The following CPNE8 variants were observed in gnomAD, a reference collection of about 807,000 sequenced individuals.
The protein encoded by CPNE8 is copine 8, also known as copine-8.
CPNE8 carries 45 observed loss-of-function variants against 81.5 expected under a neutral mutation model. That is an observed-to-expected ratio of 0.55 (90% CI 0.44 to 0.71). The LOEUF is 0.71. Among genes scored for constraint, CPNE8 ranks in the 30% least tolerant of loss-of-function variants. The pLI is 0.00. For synonymous variants in CPNE8, 252 were observed against 226.3 expected (o/e 1.11, Z -1.02); for missense variants, 594 against 672.1 (o/e 0.88, Z 1.28).
At chr12:38,674,967 A>C (rs1367525750) in intron 18 of CPNE8, among the ~76,000 whole-genome samples, 1 of 152,218 alleles carries the variant, frequency 6.6e-6, no homozygotes, top group Non-Finnish European at 1.5e-5. Context: ...AACCAGGTGA[A>C]TATTATGTGG....
intron 6 of CPNE8, among the ~76,000 whole-genome samples, chr12:38,787,156 T>A (rs1454932573): frequency 6.6e-6 from 1 of 152,092 alleles, no homozygotes; most frequent in Non-Finnish European, 1.5e-5. Context: ...AGAATACACA[T>A]CATGTTCCTC....
At chr12:38,721,545 TCATTTTCTG>T (rs1234047047) in intron 13 of CPNE8, among the ~76,000 whole-genome samples, 1 of 152,180 alleles carries the variant, frequency 6.6e-6, no homozygotes, top group East Asian at 1.9e-4. Context: ...GGCTCACCCT[TCATTTTCTG>T]CATACCTCAT....
chr12:38,809,630 TCCTC>T (rs1180576030), intron 6 of CPNE8, among the ~76,000 whole-genome samples: 3 of 152,154 alleles, frequency 2.0e-5, no homozygotes, highest in Non-Finnish European at 2.9e-5. Context: ...TGATCCATGG[TCCTC>T]CCATATAAAA....
At chr12:38,751,897 C>T (rs1490229271) in intron 10 of CPNE8, among the ~76,000 whole-genome samples, 2 of 152,130 alleles carry the variant, frequency 1.3e-5, no homozygotes, top group African/African-American at 4.8e-5. Context: ...TTTTCTTTTT[C>T]ACCAGGCTGC....
At chr12:38,853,257 C>CAAA (rs1943675970) in intron 3 of CPNE8, among the ~76,000 whole-genome samples, 1 of 152,086 alleles carries the variant, frequency 6.6e-6, no homozygotes, top group African/African-American at 2.4e-5. Flanking sequence ...GCATATCATT[C>CAAA]TATACCTATC....
chr12:38,851,682 A>C (rs150652397), intron 3 of CPNE8, among the ~76,000 whole-genome samples: 3 of 152,196 alleles, frequency 2.0e-5, no homozygotes, highest in Non-Finnish European at 4.4e-5. Context: ...CTTCCAATTC[A>C]TCTTCTATGT....
rs576864931 is a variant in CPNE8, at chr12:38,822,703, C to A, written c.407+6676G>T. The stretch of plus-strand genomic sequence containing the variant: ...CCCAAAGCTCATGTACTATCAACTT[C>A]ATTACAGTGGCTGTTTATTTAGCTC... On this transcript the variant is annotated intron_variant, in intron 6 of 19. Coordinates refer to ENST00000331366, the MANE Select transcript of CPNE8 (RefSeq NM_153634.3). Among the ~76,000 whole-genome samples the A allele has an allele frequency of 9.2e-5, 14 of 152,244 alleles. 1 individual carries two copies. The South Asian group carries it at 2.9e-3, about 32-fold the overall frequency.
intron 6 of CPNE8, among the ~76,000 whole-genome samples, chr12:38,798,775 T>G (rs899920287): frequency 1.3e-5 from 2 of 152,004 alleles, no homozygotes; most frequent in African/African-American, 4.8e-5. Context: ...AGACTCAAGA[T>G]CCATCAGTGT....
intron 3 of CPNE8, among the ~76,000 whole-genome samples, chr12:38,855,754 G>C (rs1186375724): frequency 6.6e-6 from 1 of 152,096 alleles, no homozygotes; most frequent in Non-Finnish European, 1.5e-5. Context: ...ATAAGTAGGT[G>C]AGGTACTGGA....
intron 5 of CPNE8, among the ~76,000 whole-genome samples, chr12:38,829,911 A>G (rs1943256959): frequency 6.6e-6 from 1 of 152,192 alleles, no homozygotes; most frequent in Non-Finnish European, 1.5e-5. Flanking sequence ...CCAACCTGCC[A>G]GGTGTCTATT....
At chr12:38,842,686 C>T (rs1047620515) in intron 4 of CPNE8, among the ~76,000 whole-genome samples, 8 of 150,984 alleles carry the variant, frequency 5.3e-5, no homozygotes, top group African/African-American at 2.0e-4. Flanking sequence ...AGTGATTCTC[C>T]TGCCTCAGCC....
chr12:38,773,482 C>T (rs1941853263), intron 7 of CPNE8, among the ~76,000 whole-genome samples: 1 of 151,846 alleles, frequency 6.6e-6, no homozygotes, highest in African/African-American at 2.4e-5. Context: ...GCCAATTATA[C>T]CTAATAAACT....
intron 6 of CPNE8, among the ~76,000 whole-genome samples, chr12:38,790,919 T>A (rs996600515): frequency 6.6e-6 from 1 of 151,624 alleles, no homozygotes; most frequent in African/African-American, 2.4e-5. Flanking sequence ...TCTTACTATT[T>A]CTCCTTTATA....
In CPNE8 at chr12:38,803,019, T is replaced by C. The variant is rs1279898400; in HGVS notation, c.407+26360A>G. On this transcript the variant is annotated intron_variant, in intron 6 of 19. Transcript: ENST00000331366. ...CTGAAATTGTGGCAATAATCAATAG[T>C]TTACCAACCAAAAAGAGTCCAGGAC... Among the ~76,000 whole-genome samples, 7 of 105,240 alleles carry C rather than the reference T, an allele frequency of 6.7e-5. No homozygotes were observed. The East Asian group carries it at 8.0e-4, about 12-fold the overall frequency. The allele number at this position is 105,240 out of a possible 152,430, so 69.0% of individuals were successfully genotyped here.
chr12:38,822,137 T>TA (rs992239276), intron 6 of CPNE8, among the ~76,000 whole-genome samples: 6 of 152,098 alleles, frequency 3.9e-5, no homozygotes, highest in South Asian at 4.1e-4. Flanking sequence ...TCTTTGCAAA[T>TA]AAAAAAATAT....
In CPNE8 at chr12:38,811,689, T is replaced by C. The variant is rs182000855; in HGVS notation, c.407+17690A>G. On this transcript the variant is annotated intron_variant, in intron 6 of 19. Transcript: ENST00000331366. ...AGTCAACATAGTGAGAATATGTCTC[T>C]ACAAGAAACAAACAAACAAACCAAG... Among the ~76,000 whole-genome samples, 28 of 152,242 alleles carry C rather than the reference T, an allele frequency of 1.8e-4. 1 individual carries two copies. Among genetic ancestry groups the C allele is most frequent in the Non-Finnish European group, 3.8e-4 (26 of 68,002 alleles).
intron 6 of CPNE8, among the ~76,000 whole-genome samples, chr12:38,779,373 A>G (rs1941998648): frequency 6.6e-6 from 1 of 152,162 alleles, no homozygotes; most frequent in African/African-American, 2.4e-5. Context: ...GGGAAATTCA[A>G]TAAACAGCCA....
chr12:38,778,394 G>C (rs1000366922), intron 6 of CPNE8, among the ~76,000 whole-genome samples: 16 of 152,080 alleles, frequency 1.1e-4, no homozygotes, highest in Non-Finnish European at 2.1e-4. Context: ...TGGTTTCTAA[G>C]TTTTTTAGTA....
At chr12:38,704,998 G>T (rs1457031392) in intron 13 of CPNE8, among the ~76,000 whole-genome samples, 1 of 142,464 alleles carries the variant, frequency 7.0e-6, no homozygotes, top group Non-Finnish European at 1.5e-5. Flanking sequence ...GTATACCTAT[G>T]ACTCTATATG....
Sources: gnomAD v4.1 joint callset for allele counts (sites outside exome capture counted in the v4.1 genomes callset) on GRCh38, gnomAD v4.1.1 for gene constraint, MANE v1.5 for transcripts, NCBI Gene and HGNC (gene_info 2026-07-23, HGNC 2026-07-21) for gene names.